Variants in KLHDC4 observed in about 807,000 individuals in gnomAD.
KLHDC4 encodes the protein kelch domain containing 4.
A neutral mutation model predicts 62.4 loss-of-function variants in KLHDC4; 90 were observed. That is an observed-to-expected ratio of 1.44 (90% CI 1.22 to 1.72). The LOEUF (loss-of-function observed/expected upper bound fraction) is 1.72, where lower values mean the gene tolerates loss of function less well. Among genes scored for constraint, KLHDC4 ranks in the 40% most tolerant of loss-of-function variants. The pLI, the probability that KLHDC4 is intolerant of heterozygous loss-of-function variation, is 0.00. For synonymous variants in KLHDC4, 386 were observed against 284.4 expected (o/e 1.36, Z -3.59); for missense variants, 1,025 against 699.7 (o/e 1.47, Z -5.25).
downstream of KLHDC4, among the ~76,000 whole-genome samples, chr16:87,706,442 G>A (rs542597858): frequency 6.7e-6 from 1 of 150,266 alleles, no homozygotes; most frequent in Non-Finnish European, 1.5e-5. Context: ...GGTCGGCGGA[G>A]GGGGCCGGCA....
downstream of KLHDC4, chr16:87,703,333 C>T (rs1233088878): frequency 1.3e-5 from 2 of 151,592 alleles, no homozygotes. Flanking sequence ...GGGCATGTCT[C>T]CCCCAGCCCT....
intron 5 of KLHDC4, among the ~76,000 whole-genome samples, chr16:87,735,772 G>A (rs139717544): frequency 6.6e-6 from 1 of 152,330 alleles, no homozygotes; most frequent in East Asian, 1.9e-4. Flanking sequence ...CCTATGGACA[G>A]CACAAAATAC....
chr16:87,756,184 C>G (rs927451893), intron 3 of KLHDC4: 1 of 432,320 alleles, frequency 2.3e-6, no homozygotes, highest in African/African-American at 2.0e-5. Flanking sequence ...CAGCCTAAGT[C>G]CCAGGAATAG....
In KLHDC4 at chr16:87,716,563, C is replaced by T. The variant is rs932981553; in HGVS notation, c.760-1990G>A. ...AGATGCTCAATTCCTCCTATATACT[C>T]CCTGCTCGGCCCTACGATTCGCCAT... On this transcript the variant is annotated intron_variant, in intron 7 of 11. Coordinates refer to ENST00000270583, the MANE Select transcript of KLHDC4 (RefSeq NM_017566.4). 7.9e-5 allele frequency among the ~76,000 whole-genome samples: 12 copies of T among 152,158 alleles called. No individual in the cohort carries two copies. In the East Asian group the frequency reaches 2.3e-3, roughly 29 times the overall value.
At chr16:87,764,175 G>T (rs1390203982) in intron 1 of KLHDC4, among the ~76,000 whole-genome samples, 1 of 152,202 alleles carries the variant, frequency 6.6e-6, no homozygotes, top group Non-Finnish European at 1.5e-5. Context: ...ATTTAAGAAA[G>T]AGATGATCCT....
intron 5 of KLHDC4, chr16:87,739,763 T>C (rs908798180): frequency 6.6e-6 from 1 of 152,294 alleles, no homozygotes; most frequent in Non-Finnish European, 1.5e-5. Flanking sequence ...AGAGGCCACG[T>C]GTTTTGATTC....
intron 1 of KLHDC4, 102 bp downstream of exon 1, chr16:87,765,690 C>A (rs2046557158): frequency 8.7e-7 from 1 of 1,147,412 alleles, no homozygotes; most frequent in African/African-American, 1.6e-5. Flanking sequence ...GCAGGGCCGG[C>A]GCGGCTCCCA....
At chr16:87,707,762 G>A, downstream of KLHDC4, 1 of 325,620 alleles carries the variant, frequency 3.1e-6, no homozygotes, top group South Asian at 2.5e-5. Flanking sequence ...AGAGGCCCCG[G>A]GAAGACTGCG....
intron 1 of KLHDC4, chr16:87,765,355 G>A: frequency 2.2e-6 from 1 of 460,210 alleles, no homozygotes; most frequent in South Asian, 1.5e-5. Flanking sequence ...TGAAAGAAAA[G>A]TAAGGTTCAG....
At chr16:87,741,949 C>G (rs1266273746) in intron 5 of KLHDC4, among the ~76,000 whole-genome samples, 1 of 152,348 alleles carries the variant, frequency 6.6e-6, no homozygotes, top group South Asian at 2.1e-4. Context: ...ATGAGCTCTT[C>G]CTGGACTTCT....
chr16:87,704,893 T>C (rs904007488), downstream of KLHDC4, among the ~76,000 whole-genome samples: 4 of 152,142 alleles, frequency 2.6e-5, no homozygotes, highest in Non-Finnish European at 4.4e-5. Flanking sequence ...GTCCCTCCAA[T>C]TCATCCTCAC....
At chr16:87,715,846 C>G (rs916300425) in intron 7 of KLHDC4, among the ~76,000 whole-genome samples, 2 of 152,190 alleles carry the variant, frequency 1.3e-5, no homozygotes, top group African/African-American at 4.8e-5. Flanking sequence ...GGCCACGCTA[C>G]TGTGGTCGCA....
In KLHDC4 at chr16:87,752,833, T is replaced by C. The variant is rs114414191; in HGVS notation, c.369+2361A>G. 2.6e-3 allele frequency among the ~76,000 whole-genome samples: 400 copies of C among 152,278 alleles called. 3 individuals are homozygous for C. The highest frequency in any genetic ancestry group is 9.3e-3 in the African/African-American group (385 of 41,552). On this transcript the variant is annotated intron_variant, in intron 4 of 11. Transcript: ENST00000270583. The stretch of plus-strand genomic sequence containing the variant: ...GATTAAAACTACGGAGACCCACAGA[T>C]AAAACTTCTACTCCTGCCCACGATG...
intron 4 of KLHDC4, among the ~76,000 whole-genome samples, chr16:87,753,776 G>A (rs1211768767): frequency 6.6e-6 from 1 of 150,422 alleles, no homozygotes; most frequent in Non-Finnish European, 1.5e-5. Context: ...ACTCCAGCCT[G>A]GGCAACAAGA....
intron 2 of KLHDC4, 147 bp downstream of exon 2, chr16:87,761,802 C>A: frequency 1.3e-6 from 1 of 795,460 alleles, no homozygotes; most frequent in East Asian, 2.6e-5. Flanking sequence ...CATTCCAGTT[C>A]TTCAGCAGAA....
chr16:87,754,724 G>A (rs892908501), intron 4 of KLHDC4, among the ~76,000 whole-genome samples: 12 of 152,192 alleles, frequency 7.9e-5, no homozygotes, highest in African/African-American at 1.4e-4. Flanking sequence ...ACAGGAGAGC[G>A]ACAGCTGACA....
At chr16:87,727,994 T>C (rs1283729137) in intron 6 of KLHDC4, among the ~76,000 whole-genome samples, 1 of 152,110 alleles carries the variant, frequency 6.6e-6, no homozygotes, top group East Asian at 1.9e-4. Context: ...AAAAACAGCC[T>C]GGACAATATG....
intron 7 of KLHDC4, among the ~76,000 whole-genome samples, chr16:87,722,284 G>A (rs1597485570): frequency 6.6e-6 from 1 of 152,194 alleles, no homozygotes; most frequent in South Asian, 2.1e-4. Flanking sequence ...AGAGCCTGGA[G>A]GGTGTTTAAA....
rs756555006 is a variant in KLHDC4 at position 87,711,375 on chromosome 16, C to G, written c.904G>C (p.Ala302Pro). The change falls in exon 9 of 12, where the codon GCC (alanine) becomes CCC (proline). Residue 302 changes from alanine (A) to proline (P), a missense_variant. Coordinates refer to ENST00000270583, the MANE Select transcript of KLHDC4 (RefSeq NM_017566.4). The stretch of plus-strand genomic sequence containing the variant: ...AGTGTCTGGTGATTCGGGGCCATGG[C>G]CACGGAAAAGCCAGACCGTGGGGTG... Reference protein sequence around the residue: ...KPTPRSGFSVAMAPNHQTLFF... With the variant: ...KPTPRSGFSVPMAPNHQTLFF... The G allele has an allele frequency of 1.2e-6, 2 of 1,613,818 alleles. No individual in the cohort carries two copies. The highest frequency in any genetic ancestry group is 2.7e-5 in the African/African-American group (2 of 75,040).
Sources: allele counts gnomAD v4.1 joint callset (sites outside exome capture counted in the v4.1 genomes callset), GRCh38; gene constraint gnomAD v4.1.1; transcripts MANE v1.5; gene names NCBI Gene and HGNC (gene_info 2026-07-23, HGNC 2026-07-21).